Variants in TJP1 observed in about 807,000 individuals in gnomAD.
TJP1 encodes the protein tight junction protein 1.
Under a neutral mutation model 194.2 loss-of-function variants are expected in TJP1, and 43 were observed. The observed-to-expected ratio is 0.22, with a 90% CI of 0.17 to 0.29. The LOEUF (loss-of-function observed/expected upper bound fraction) is 0.29. Among genes scored for constraint, TJP1 ranks in the 10% least tolerant of loss-of-function variants. The pLI is 1.00. For missense variants in TJP1, 1,971 were observed against 2,185.7 expected (o/e 0.90, Z 1.96); for synonymous variants, 801 against 779.0 (o/e 1.03, Z -0.47).
intron 4 of TJP1, among the ~76,000 whole-genome samples, chr15:29,767,296 C>CA (rs2046386772): frequency 1.3e-5 from 2 of 152,220 alleles, no homozygotes. Context: ...TTTGCCTTCT[C>CA]ACAATAGTAT....
chr15:29,755,703 T>C lies in TJP1; in HGVS notation c.1010+5436A>G, dbSNP rs187053018. 7.9e-4 allele frequency among the ~76,000 whole-genome samples: 121 copies of C among 152,320 alleles called. 1 individual carries two copies. The East Asian group carries it at 0.021, about 26-fold the overall frequency. On this transcript the variant is annotated intron_variant, in intron 8 of 27. Coordinates refer to ENST00000614355, the MANE Select transcript of TJP1 (RefSeq NM_001330239.4). ...TTTGCTAAATATAAACTGGACTGTT[T>C]TTCTATTTGTGAAAACACATTCCCC... is the stretch of plus-strand genomic sequence containing the variant.
chr15:29,901,751 G>T (rs1434913335), intron 2 of TJP1, among the ~76,000 whole-genome samples: 4 of 151,688 alleles, frequency 2.6e-5, no homozygotes, highest in African/African-American at 9.7e-5. Context: ...AACCTGGGAG[G>T]TGAAGGATGC....
At chr15:29,817,165 C>G (rs2049984010) in intron 1 of TJP1, among the ~76,000 whole-genome samples, 1 of 152,144 alleles carries the variant, frequency 6.6e-6, no homozygotes, top group Non-Finnish European at 1.5e-5. Context: ...AGACACTTCT[C>G]AAAAGAAGAC....
chr15:29,771,107 C>T (rs938131998), intron 4 of TJP1, among the ~76,000 whole-genome samples: 4 of 152,164 alleles, frequency 2.6e-5, no homozygotes, highest in African/African-American at 4.8e-5. Flanking sequence ...CATGTTTAGA[C>T]ATACACATAC....
At chr15:29,885,917 T>C (rs1311070764) in intron 2 of TJP1, among the ~76,000 whole-genome samples, 6 of 152,182 alleles carry the variant, frequency 3.9e-5, no homozygotes, top group Non-Finnish European at 4.4e-5. Flanking sequence ...TAAGTTTCTA[T>C]AAGCATAGCT....
At chr15:29,956,899 T>A (rs919928902) in intron 1 of TJP1, among the ~76,000 whole-genome samples, 5 of 143,888 alleles carry the variant, frequency 3.5e-5, no homozygotes, top group African/African-American at 1.3e-4. Flanking sequence ...AGGTTTTTTT[T>A]TAAAAAAAGA....
intron 2 of TJP1, among the ~76,000 whole-genome samples, chr15:29,838,450 G>A (rs2051109551): frequency 6.6e-6 from 1 of 152,088 alleles, no homozygotes; most frequent in Non-Finnish European, 1.5e-5. Context: ...ACAAGAAGTT[G>A]CAAAGAAATG....
intron 23 of TJP1, 85 bp from the exon 24 acceptor site, chr15:29,711,085 G>T: frequency 7.3e-7 from 1 of 1,375,958 alleles, no homozygotes. Flanking sequence ...GTATCTCTAA[G>T]TTAAAAAAAA....
intron 2 of TJP1, among the ~76,000 whole-genome samples, chr15:29,877,772 C>T (rs1053095538): frequency 6.6e-6 from 1 of 151,762 alleles, no homozygotes; most frequent in African/African-American, 2.4e-5. Flanking sequence ...CATTCTCTTG[C>T]CTCAGTCTCC....
At chr15:29,929,522 C>T (rs1719360) in intron 2 of TJP1, among the ~76,000 whole-genome samples, 38,769 of 151,814 alleles carry the variant, frequency 0.26, 5,189 homozygotes, top group East Asian at 0.35. Flanking sequence ...CACGGCAAAA[C>T]CCCATGTCTA....
At chr15:29,889,530 A>G (rs993951461) in intron 2 of TJP1, among the ~76,000 whole-genome samples, 1 of 152,260 alleles carries the variant, frequency 6.6e-6, no homozygotes, top group Admixed American at 6.5e-5. Flanking sequence ...AGCTTTAAAA[A>G]AGTCTAACTT....
intron 2 of TJP1, among the ~76,000 whole-genome samples, chr15:29,837,329 C>T (rs148540349): frequency 1.5e-3 from 231 of 152,180 alleles, no homozygotes; most frequent in African/African-American, 5.2e-3. Context: ...TAGGCTGATG[C>T]GGGTGGATCA....
chr15:29,965,370 T>G (rs1003811123), intron 1 of TJP1, among the ~76,000 whole-genome samples: 12 of 152,038 alleles, frequency 7.9e-5, no homozygotes, highest in Non-Finnish European at 1.5e-4. Context: ...CCACCATGCC[T>G]GGCTAATTTT....
chr15:29,944,043 A>C (rs185407548), intron 2 of TJP1, among the ~76,000 whole-genome samples: 14 of 152,084 alleles, frequency 9.2e-5, no homozygotes, highest in Non-Finnish European at 1.9e-4. Context: ...AAAATTAAAA[A>C]TCGTTAGAAA....
At chr15:29,751,795 T>C (rs573546131) in intron 8 of TJP1, among the ~76,000 whole-genome samples, 23 of 152,368 alleles carry the variant, frequency 1.5e-4, no homozygotes, top group African/African-American at 5.3e-4. Flanking sequence ...ATAAGTTTTT[T>C]TGTATATTTA....
At position 29,919,493 on chromosome 15, in the gene TJP1, C is replaced by A. The variant is rs548883481; in HGVS notation, c.306+36739G>T. Among the ~76,000 whole-genome samples the A allele has an allele frequency of 5.9e-4, 90 of 152,304 alleles. 1 individual carries two copies. The highest frequency in any genetic ancestry group is 2.1e-3 in the African/African-American group (86 of 41,574). The stretch of plus-strand genomic sequence containing the variant: ...AAAGTTCCTGTCCTGGTGCAGTTTT[C>A]ATTCTAAGGCGGGAGAGGGACGATA... On this transcript the variant is annotated intron_variant, in intron 2 of 28. Transcript: ENST00000356107.
chr15:29,789,713 A>C (rs916733454), intron 2 of TJP1, among the ~76,000 whole-genome samples: 1 of 152,200 alleles, frequency 6.6e-6, no homozygotes, highest in African/African-American at 2.4e-5. Context: ...TGACTGTCAG[A>C]TGTCAAAGAA....
chr15:29,726,464 T>C lies in TJP1; in HGVS notation c.2327A>G (p.Asn776Ser). The C allele has an allele frequency of 6.2e-7, 1 of 1,614,064 alleles. No individual in the cohort carries two copies. Among genetic ancestry groups the C allele is most frequent in the Non-Finnish European group, 8.5e-7 (1 of 1,179,962 alleles). ...HHLFTTTINL[N>S]SMNDGWYGAL... ...ACCATACCAACCATCATTCATTGAA[T>C]TTAAGTTAATTGTAGCTGAAAATAA... Residue 776 changes from asparagine (N) to serine (S), a missense_variant, in exon 18 of 28, where the codon AAT (asparagine) becomes AGT (serine). Coordinates refer to ENST00000614355, the MANE Select transcript of TJP1 (RefSeq NM_001330239.4).
chr15:29,894,247 T>A (rs1446989631), intron 2 of TJP1, among the ~76,000 whole-genome samples: 1 of 152,134 alleles, frequency 6.6e-6, no homozygotes, highest in East Asian at 1.9e-4. Flanking sequence ...TCACTTGAGG[T>A]CAGGAATTTG....
Sources: gnomAD v4.1 joint callset for allele counts (sites outside exome capture counted in the v4.1 genomes callset) on GRCh38, gnomAD v4.1.1 for gene constraint, MANE v1.5 for transcripts, NCBI Gene and HGNC (gene_info 2026-07-23, HGNC 2026-07-21) for gene names.